NAT10: variants seen among roughly 807,000 people sequenced by gnomAD.
NAT10 encodes N-acetyltransferase 10, also known as RNA cytidine acetyltransferase.
Under a neutral mutation model 132.2 loss-of-function variants are expected in NAT10, and 109 were observed. The observed-to-expected ratio is 0.82, with a 90% CI of 0.71 to 0.97. The LOEUF (loss-of-function observed/expected upper bound fraction) is 0.97. NAT10 is among the 50% of genes least tolerant of loss of function. NAT10 has a pLI of 0.00. For missense variants in NAT10, 1,184 were observed against 1,263.4 expected (o/e 0.94, Z 0.95); for synonymous variants, 479 against 478.0 (o/e 1.00, Z -0.03).
chr11:34,138,626 G>T (rs1852262450), intron 21 of NAT10, among the ~76,000 whole-genome samples: 1 of 152,030 alleles, frequency 6.6e-6, no homozygotes, highest in South Asian at 2.1e-4. Context: ...TGTCCGTGTG[G>T]TCTTGCACTG....
intron 6 of NAT10, among the ~76,000 whole-genome samples, chr11:34,117,455 C>G (rs1367703523): frequency 6.6e-6 from 1 of 152,052 alleles, no homozygotes; most frequent in African/African-American, 2.4e-5. Flanking sequence ...AGCTCCACAC[C>G]AAAGAATTAT....
At chr11:34,131,973 C>A in intron 14 of NAT10, 152 bp from the exon 15 acceptor site, 2 of 664,782 alleles carry the variant, frequency 3.0e-6, no homozygotes, top group Non-Finnish European at 2.7e-6. Context: ...TGTGAGCCAA[C>A]GCGCCTGGCC....
Position 34,134,370 on chromosome 11 carries a change from C to T in NAT10, c.1786C>T (p.Arg596Ter), listed in dbSNP as rs370862984. ...SRQSILNSLS[R>*]GKKASGDLIP... ...CCAGTCCATCTTGAACAGTCTGTCTCGAGGCAAGAAGGCTTCAGGGGACCT... is the reference window on the plus strand; with the variant it reads ...CCAGTCCATCTTGAACAGTCTGTCTTGAGGCAAGAAGGCTTCAGGGGACCT... The change falls in exon 17 of 29, where the codon CGA becomes TGA. Residue 596 changes from arginine to a stop codon, truncating the protein, a stop_gained. Coordinates refer to ENST00000257829, the MANE Select transcript of NAT10 (RefSeq NM_024662.3). LOFTEE classifies it high-confidence loss of function. The T allele has an allele frequency of 7.7e-5, 124 of 1,614,070 alleles. No homozygotes were observed. The highest frequency in any genetic ancestry group is 1.0e-4 in the Non-Finnish European group (121 of 1,180,042).
At chr11:34,124,483 C>A in intron 11 of NAT10, 83 bp downstream of exon 11, 1 of 985,314 alleles carries the variant, frequency 1.0e-6, no homozygotes, top group Non-Finnish European at 1.6e-6. Context: ...CTGTTATAGA[C>A]ATGTATGTCT....
chr11:34,136,704 A>G lies in NAT10; in HGVS notation c.2091A>G (p.Lys697=), dbSNP rs756886158. 1 of 1,614,064 alleles carries G rather than the reference A, an allele frequency of 6.2e-7. No homozygotes were observed. The highest frequency in any genetic ancestry group is 1.1e-5 in the South Asian group (1 of 91,084). The stretch of plus-strand genomic sequence containing the variant: ...AGGACCTGCCTCCTTTACTCCTCAA[A>G]TTGAATGAGAGGCCTGCCGAACGCC... ...PRKDLPPLLL[K]LNERPAERLD... Residue 697 remains lysine (K), a synonymous_variant, in exon 20 of 29, where the codon AAA becomes AAG. Coordinates refer to ENST00000257829, the MANE Select transcript of NAT10 (RefSeq NM_024662.3).
At chr11:34,139,554 G>A in intron 23 of NAT10, 59 bp downstream of exon 23, 1 of 1,464,268 alleles carries the variant, frequency 6.8e-7, no homozygotes, top group Admixed American at 1.7e-5. Flanking sequence ...TGGGAGGTGG[G>A]TGTGGTGTCC....
chr11:34,108,976 C>T, intron 3 of NAT10, 143 bp downstream of exon 3: 4 of 653,562 alleles, frequency 6.1e-6, no homozygotes, highest in South Asian at 4.7e-5. Flanking sequence ...GATATCCTTT[C>T]TTCATTCCTG....
chr11:34,118,350 C>A, intron 7 of NAT10, 46 bp from the exon 8 acceptor site: 11 of 1,610,256 alleles, frequency 6.8e-6, no homozygotes, highest in Non-Finnish European at 9.3e-6. Context: ...CTGTGTTGTT[C>A]CTCCTGTGAC....
intron 27 of NAT10, 68 bp from the exon 28 acceptor site, chr11:34,143,377 C>T (rs544066822): frequency 1.6e-5 from 22 of 1,336,382 alleles, no homozygotes; most frequent in Non-Finnish European, 1.9e-5. Context: ...TTGTCACTGT[C>T]GTTATTTTCT....
At chr11:34,123,716 G>A (rs2132952191) in intron 9 of NAT10, 46 bp from the exon 10 acceptor site, 1 of 1,360,174 alleles carries the variant, frequency 7.4e-7, no homozygotes, top group East Asian at 2.3e-5. Context: ...GTTTCTTTAA[G>A]ATGTTCCTAA....
intron 12 of NAT10, among the ~76,000 whole-genome samples, chr11:34,129,720 T>C (rs1005470125): frequency 6.7e-6 from 1 of 149,362 alleles, no homozygotes; most frequent in Non-Finnish European, 1.5e-5. Flanking sequence ...CCATTTCTCC[T>C]GCCTCAGCCT....
At chr11:34,139,949 A>T (rs1329155050) in intron 23 of NAT10, among the ~76,000 whole-genome samples, 1 of 152,262 alleles carries the variant, frequency 6.6e-6, no homozygotes, top group Admixed American at 6.5e-5. Context: ...TGCATATTTT[A>T]TATATAAATA....
At chr11:34,112,326 T>C in intron 4 of NAT10, 103 bp downstream of exon 4, 1 of 1,350,416 alleles carries the variant, frequency 7.4e-7, no homozygotes, top group South Asian at 1.3e-5. Flanking sequence ...GAGAGGAGAG[T>C]CCCATGTTCC....
At chr11:34,141,550 C>T (rs542338530) in intron 25 of NAT10, among the ~76,000 whole-genome samples, 169 bp from the exon 26 acceptor site, 9 of 152,270 alleles carry the variant, frequency 5.9e-5, no homozygotes, top group Admixed American at 1.3e-4. Context: ...CATATCCAGT[C>T]TGTGTTCTTC....
intron 14 of NAT10, 116 bp downstream of exon 14, chr11:34,131,647 A>G: frequency 1.8e-6 from 2 of 1,129,426 alleles, no homozygotes; most frequent in Non-Finnish European, 2.4e-6. Context: ...GGAAAGTTGA[A>G]CATTTTCAAT....
At chr11:34,135,458 G>T (rs2132972523) in intron 19 of NAT10, among the ~76,000 whole-genome samples, 167 bp downstream of exon 19, 1 of 152,182 alleles carries the variant, frequency 6.6e-6, no homozygotes, top group Middle Eastern at 3.4e-3. Flanking sequence ...AGTATCATTG[G>T]GATCATCTGG....
chr11:34,135,729 T>C (rs60549862), intron 19 of NAT10, among the ~76,000 whole-genome samples: 13,180 of 152,216 alleles, frequency 0.087, 586 homozygotes, highest in African/African-American at 0.097. Flanking sequence ...AGTATGTATA[T>C]TTGAGAGCTA....
In NAT10 at chr11:34,141,761, G is replaced by A; in HGVS notation, c.2755G>A (p.Val919Met). ...GGAAAAGGCCATTGAGGAGCAGATG[G>A]TGGCAGCGAAGGATGTGGTCATGGA... ...VQEKAIEEQM[V>M]AAKDVVMEPT... The change falls in exon 26 of 29, where the codon GTG (valine) becomes ATG (methionine). Residue 919 changes from valine (V) to methionine (M), a missense_variant. Val to Met is a conservative substitution (Grantham distance 21, BLOSUM62 1). Coordinates refer to ENST00000257829, the MANE Select transcript of NAT10 (RefSeq NM_024662.3). 1.2e-6 allele frequency: 2 copies of A among 1,614,106 alleles called. No homozygotes were observed. The highest frequency in any genetic ancestry group is 1.7e-6 in the Non-Finnish European group (2 of 1,180,034).
At chr11:34,115,483 A>G (rs1315806380) in intron 5 of NAT10, among the ~76,000 whole-genome samples, 6 of 152,264 alleles carry the variant, frequency 3.9e-5, no homozygotes, top group East Asian at 3.9e-4. Context: ...TTCTTCCTCC[A>G]TCCATTATAC....
Sources: gnomAD v4.1 joint callset for allele counts (sites outside exome capture counted in the v4.1 genomes callset) on GRCh38, gnomAD v4.1.1 for gene constraint, MANE v1.5 for transcripts, NCBI Gene and HGNC (gene_info 2026-07-23, HGNC 2026-07-21) for gene names.